Variants in CLYBL observed in about 807,000 individuals in gnomAD.
CLYBL encodes citramalyl-CoA lyase, also known as citramalyl-CoA lyase, mitochondrial.
In CLYBL, 31 loss-of-function variants were observed where a neutral mutation model predicts 38.9. The observed-to-expected ratio is 0.80, with a 90% CI of 0.60 to 1.08. The LOEUF (loss-of-function observed/expected upper bound fraction) is 1.08, where lower values mean the gene tolerates loss of function less well. Ranked by LOEUF, CLYBL falls within the 50% of genes least tolerant of loss-of-function variation. CLYBL has a pLI of 0.00. For missense variants in CLYBL, 434 were observed against 411.6 expected (o/e 1.05, Z -0.47); for synonymous variants, 171 against 158.6 (o/e 1.08, Z -0.59).
At chr13:99,760,459 A>C (rs956146875) in intron 1 of CLYBL, among the ~76,000 whole-genome samples, 1 of 152,174 alleles carries the variant, frequency 6.6e-6, no homozygotes, top group Non-Finnish European at 1.5e-5. Flanking sequence ...TTCACTCTGC[A>C]CCTAAGCATT....
intron 1 of CLYBL, among the ~76,000 whole-genome samples, chr13:99,651,438 C>T (rs1407155017): frequency 2.0e-5 from 3 of 152,176 alleles, no homozygotes; most frequent in South Asian, 2.1e-4. Flanking sequence ...GGCGTAGTGG[C>T]GCATGCCTGT....
intron 1 of CLYBL, among the ~76,000 whole-genome samples, chr13:99,737,124 T>C (rs946718481): frequency 2.1e-5 from 3 of 145,590 alleles, no homozygotes; most frequent in Non-Finnish European, 3.1e-5. Flanking sequence ...CTGAAGAATA[T>C]GGGGGGCATC....
intron 2 of CLYBL, among the ~76,000 whole-genome samples, chr13:99,831,398 T>C (rs61323046): frequency 0.029 from 4,423 of 152,162 alleles, 219 homozygotes; most frequent in African/African-American, 0.1. Flanking sequence ...ATAAAAGAAC[T>C]CTCAGGGAGG....
chr13:99,692,174 G>A (rs1339463317), intron 1 of CLYBL, among the ~76,000 whole-genome samples: 5 of 152,094 alleles, frequency 3.3e-5, no homozygotes, highest in African/African-American at 4.8e-5. Context: ...ACATATGCCA[G>A]CCCTGCCCCT....
chr13:99,873,566 A>G (rs1315743810), intron 7 of CLYBL, among the ~76,000 whole-genome samples: 1 of 152,190 alleles, frequency 6.6e-6, no homozygotes, highest in African/African-American at 2.4e-5. Context: ...TTAAGTAGAA[A>G]TGACCCAAGA....
intron 1 of CLYBL, among the ~76,000 whole-genome samples, chr13:99,706,963 C>G (rs924970538): frequency 2.6e-5 from 4 of 152,076 alleles, no homozygotes; most frequent in Non-Finnish European, 4.4e-5. Flanking sequence ...GCCACCAAGC[C>G]CAGCGAATTT....
At chr13:99,635,604 A>G (rs923719141) in intron 1 of CLYBL, among the ~76,000 whole-genome samples, 6 of 152,180 alleles carry the variant, frequency 3.9e-5, no homozygotes, top group Non-Finnish European at 7.3e-5. Flanking sequence ...CCTATGTCCT[A>G]GAAGCCTTAC....
At chr13:99,789,646 A>G (rs1258211360) in intron 2 of CLYBL, among the ~76,000 whole-genome samples, 1 of 152,146 alleles carries the variant, frequency 6.6e-6, no homozygotes, top group East Asian at 1.9e-4. Flanking sequence ...AATAAGTGTG[A>G]TGTGGTGCTG....
chr13:99,737,349 G>A (rs531147979), intron 1 of CLYBL, among the ~76,000 whole-genome samples: 1 of 152,168 alleles, frequency 6.6e-6, no homozygotes, highest in South Asian at 2.1e-4. Context: ...TCCTGTGCAC[G>A]AGGTGCTTCG....
chr13:99,652,370 G>A (rs2047267674), intron 1 of CLYBL, among the ~76,000 whole-genome samples: 1 of 152,152 alleles, frequency 6.6e-6, no homozygotes, highest in African/African-American at 2.4e-5. Flanking sequence ...GGCCTGTCTG[G>A]TGTGATTTGC....
chr13:99,713,334 C>CT (rs759844768), intron 1 of CLYBL, among the ~76,000 whole-genome samples: 2,091 of 101,636 alleles, frequency 0.021, 60 homozygotes, highest in African/African-American at 0.057. Flanking sequence ...TTCTCTATTT[C>CT]TTTTTTTTTT....
chr13:99,713,214 C>T (rs1350924124), intron 1 of CLYBL, among the ~76,000 whole-genome samples: 1 of 151,830 alleles, frequency 6.6e-6, no homozygotes, highest in African/African-American at 2.4e-5. Context: ...TCCTCTCAAA[C>T]TTTGCATTGA....
chr13:99,805,148 C>T (rs1018061474), intron 2 of CLYBL, among the ~76,000 whole-genome samples: 2 of 152,132 alleles, frequency 1.3e-5, no homozygotes, highest in Non-Finnish European at 2.9e-5. Context: ...CCACATTTTG[C>T]TTATCCGCTT....
chr13:99,736,386 T>G (rs867139543), intron 1 of CLYBL, among the ~76,000 whole-genome samples: 5 of 152,100 alleles, frequency 3.3e-5, no homozygotes, highest in Middle Eastern at 3.4e-3. Context: ...TAAATCTCAT[T>G]GGAGAGCAAA....
chr13:99,723,927 T>A (rs2048430157), intron 1 of CLYBL, among the ~76,000 whole-genome samples: 1 of 152,180 alleles, frequency 6.6e-6, no homozygotes, highest in South Asian at 2.1e-4. Flanking sequence ...AAAAGACACT[T>A]GTGTAGATTT....
intron 1 of CLYBL, among the ~76,000 whole-genome samples, chr13:99,694,083 C>A (rs1047059455): frequency 6.6e-6 from 1 of 152,176 alleles, no homozygotes; most frequent in East Asian, 1.9e-4. Flanking sequence ...TTATGGCTGG[C>A]GCAAACCTCC....
At chr13:99,633,055 C>T (rs1442557636) in intron 1 of CLYBL, among the ~76,000 whole-genome samples, 9 of 151,758 alleles carry the variant, frequency 5.9e-5, no homozygotes, top group Admixed American at 5.9e-4. Flanking sequence ...GACTGGCCAA[C>T]ATGGCAAAAC....
At chr13:99,627,816 T>C (rs570720008) in intron 1 of CLYBL, among the ~76,000 whole-genome samples, 1 of 152,266 alleles carries the variant, frequency 6.6e-6, no homozygotes, top group South Asian at 2.1e-4. Flanking sequence ...CTACATAATC[T>C]CAGACCTGCA....
At chr13:99,762,094 AT>A (rs1428668549) in intron 1 of CLYBL, among the ~76,000 whole-genome samples, 1 of 151,902 alleles carries the variant, frequency 6.6e-6, no homozygotes, top group African/African-American at 2.4e-5. Flanking sequence ...GTTTCTAAAT[AT>A]TTTCTCTCAT....
Sources: gnomAD v4.1 joint callset for allele counts (sites outside exome capture counted in the v4.1 genomes callset) on GRCh38, gnomAD v4.1.1 for gene constraint, MANE v1.5 for transcripts, NCBI Gene and HGNC (gene_info 2026-07-23, HGNC 2026-07-21) for gene names.